The following SEMA3E variants were observed in gnomAD, a reference collection of about 807,000 sequenced individuals.
SEMA3E encodes the protein semaphorin 3E.
A neutral mutation model predicts 93.6 loss-of-function variants in SEMA3E; 49 were observed. The observed-to-expected ratio is 0.52, with a 90% confidence interval of 0.42 to 0.66. SEMA3E has a LOEUF of 0.66. Ranked by LOEUF, SEMA3E falls within the 30% of genes least tolerant of loss-of-function variation. The pLI, the probability that SEMA3E is intolerant of heterozygous loss-of-function variation, is 0.00. For missense variants in SEMA3E, 906 were observed against 964.8 expected (o/e 0.94, Z 0.81); for synonymous variants, 363 against 330.7 (o/e 1.10, Z -1.06).
At chr7:83,589,483 A>G (rs1270912585) in intron 1 of SEMA3E, among the ~76,000 whole-genome samples, 1 of 152,156 alleles carries the variant, frequency 6.6e-6, no homozygotes, top group Non-Finnish European at 1.5e-5. Context: ...TGGAGACTGC[A>G]ATCTAACCTT....
intron 4 of SEMA3E, among the ~76,000 whole-genome samples, chr7:83,431,348 G>GA (rs1333735777): frequency 6.6e-6 from 1 of 151,162 alleles, no homozygotes; most frequent in Non-Finnish European, 1.5e-5. Context: ...ATTTTTATTA[G>GA]AAAAAAATAA....
intron 1 of SEMA3E, among the ~76,000 whole-genome samples, chr7:83,629,517 C>T (rs1261307457): frequency 6.6e-6 from 1 of 152,180 alleles, no homozygotes; most frequent in Non-Finnish European, 1.5e-5. Context: ...GAGAGGCAGT[C>T]TGGCTACAGT....
intron 4 of SEMA3E, among the ~76,000 whole-genome samples, chr7:83,444,390 AAT>A (rs1789181917): frequency 6.6e-6 from 1 of 152,108 alleles, no homozygotes; most frequent in Admixed American, 6.6e-5. Context: ...TGTCAACCTG[AAT>A]GTGTAGAGTT....
Position 83,469,248 on chromosome 7 carries a change from CT to C in SEMA3E, c.330del (p.Asp111MetfsTer21). 6.2e-7 allele frequency: 1 copy of C among 1,608,932 alleles called. No individual in the cohort carries two copies. The highest frequency in any genetic ancestry group is 8.5e-7 in the Non-Finnish European group (1 of 1,175,862). Reference sequence around the variant, plus strand: ...TTACAATGAATCATACTTACCGCATCTTTTCCCTTCATTATGCATTCTTCCA... The same window carrying C: ...TTACAATGAATCATACTTACCGCATCTTTCCCTTCATTATGCATTCTTCCA... Reference protein sequence around the residue: ...LKMEECIMKGKDAGECANYVR... With the variant: ...LKMEECIMKGXDAGECANYVR... On this transcript the variant is annotated frameshift_variant, in exon 3 of 17. Transcript: ENST00000643230. LOFTEE classifies it high-confidence loss of function.
chr7:83,485,716 A>G (rs1790236684), intron 2 of SEMA3E, among the ~76,000 whole-genome samples: 1 of 151,964 alleles, frequency 6.6e-6, no homozygotes, highest in Non-Finnish European at 1.5e-5. Flanking sequence ...AATGAAAACA[A>G]GAAAGGGTAG....
At chr7:83,449,717 TCTTC>T (rs1476825940) in intron 4 of SEMA3E, among the ~76,000 whole-genome samples, 1 of 152,184 alleles carries the variant, frequency 6.6e-6, no homozygotes, top group Non-Finnish European at 1.5e-5. Context: ...TTTTGTTCTC[TCTTC>T]CTGTTTCTCT....
intron 1 of SEMA3E, among the ~76,000 whole-genome samples, chr7:83,576,057 T>C (rs1792395132): frequency 6.6e-6 from 1 of 152,206 alleles, no homozygotes. Flanking sequence ...AAATTATATG[T>C]ATTGGCATAT....
chr7:83,526,462 G>C (rs1424610248), intron 1 of SEMA3E, among the ~76,000 whole-genome samples: 1 of 152,130 alleles, frequency 6.6e-6, no homozygotes, highest in Admixed American at 6.6e-5. Flanking sequence ...AAGATCTGGG[G>C]TTCCAACTGC....
At position 83,544,813 on chromosome 7, in the gene SEMA3E, G is replaced by GGAC. The variant is rs1390851988; in HGVS notation, c.116-54540_116-54539insGTC. Among the ~76,000 whole-genome samples the GGAC allele has an allele frequency of 7.9e-4, 120 of 152,066 alleles. 1 individual carries two copies. In the East Asian group the frequency reaches 0.021, roughly 27 times the overall value. ...TTCATATTGTTTCCATCTCATCTAG[G>GGAC]TGGGACCCTTTATGCCACTGCTTCA... On this transcript the variant is annotated intron_variant, in intron 1 of 16. Transcript: ENST00000643230.
chr7:83,499,849 A>C (rs2115595058), intron 1 of SEMA3E, among the ~76,000 whole-genome samples: 1 of 152,268 alleles, frequency 6.6e-6, no homozygotes, highest in African/African-American at 2.4e-5. Context: ...GCGCATGCAC[A>C]CACACACAAT....
chr7:83,601,500 C>T (rs959837847), intron 1 of SEMA3E, among the ~76,000 whole-genome samples: 8 of 151,876 alleles, frequency 5.3e-5, no homozygotes, highest in Non-Finnish European at 7.4e-5. Flanking sequence ...ACTCTTCCTC[C>T]GTATGTGTTC....
intron 1 of SEMA3E, among the ~76,000 whole-genome samples, chr7:83,539,932 G>C (rs1485567734): frequency 6.8e-6 from 1 of 147,064 alleles, no homozygotes; most frequent in Non-Finnish European, 1.5e-5. Context: ...CCAGGTTGGA[G>C]TGTAGTGGCT....
At chr7:83,475,577 C>T (rs879602680) in intron 2 of SEMA3E, among the ~76,000 whole-genome samples, 2 of 152,114 alleles carry the variant, frequency 1.3e-5, no homozygotes, top group Non-Finnish European at 2.9e-5. Flanking sequence ...TCTACCTAGG[C>T]TGCCACGCAT....
chr7:83,401,709 T>A (rs543731996), intron 10 of SEMA3E, among the ~76,000 whole-genome samples: 1 of 152,210 alleles, frequency 6.6e-6, no homozygotes, highest in East Asian at 1.9e-4. Context: ...AAGGTTTGTT[T>A]TCACTTTGGG....
rs1793142220 is a variant in SEMA3E at position 83,607,193 on chromosome 7, G to A, written c.115+41235C>T. Among the ~76,000 whole-genome samples the A allele has an allele frequency of 2.0e-5, 3 of 152,276 alleles. 1 individual carries two copies. The South Asian group carries it at 6.2e-4, about 32-fold the overall frequency. On this transcript the variant is annotated intron_variant, in intron 1 of 16. Coordinates refer to ENST00000643230, the MANE Select transcript of SEMA3E (RefSeq NM_012431.3). ...GCTGTACTTACATAACTTTTAAAAA[G>A]TACAGATTCAACCAGTCAGTTATTG...
intron 1 of SEMA3E, among the ~76,000 whole-genome samples, chr7:83,539,402 T>C (rs769133382): frequency 2.0e-5 from 3 of 152,184 alleles, no homozygotes; most frequent in African/African-American, 7.2e-5. Flanking sequence ...GAGAGGCTGA[T>C]GCTCCAATTA....
At chr7:83,523,054 C>G (rs35377307) in intron 1 of SEMA3E, among the ~76,000 whole-genome samples, 82,008 of 151,926 alleles carry the variant, frequency 0.54, 24,092 homozygotes, top group Middle Eastern at 0.71. Context: ...AGCATAAGAA[C>G]GGGGTGAATC....
intron 1 of SEMA3E, among the ~76,000 whole-genome samples, chr7:83,592,851 A>C (rs772591429): frequency 1.3e-5 from 2 of 152,208 alleles, no homozygotes; most frequent in Admixed American, 6.6e-5. Flanking sequence ...TGTTTTAAAA[A>C]GGAGGACATG....
In SEMA3E at chr7:83,489,123, A is replaced by G. The variant is rs1021805100; in HGVS notation, c.276+991T>C. Among the ~76,000 whole-genome samples the G allele has an allele frequency of 2.6e-5, 4 of 152,040 alleles. No homozygotes were observed. The East Asian group carries it at 7.7e-4, about 29-fold the overall frequency. The stretch of plus-strand genomic sequence containing the variant: ...AAAGTTTTGGTATAATTATTTTGGG[A>G]AGATGGAGGGCAAGTGATTGGAGGG... On this transcript the variant is annotated intron_variant, in intron 2 of 16. Transcript: ENST00000643230.
Sources: gnomAD v4.1 joint callset for allele counts (sites outside exome capture counted in the v4.1 genomes callset) on GRCh38, gnomAD v4.1.1 for gene constraint, MANE v1.5 for transcripts, NCBI Gene and HGNC (gene_info 2026-07-23, HGNC 2026-07-21) for gene names.